ELP1: variants seen among roughly 807,000 people sequenced by gnomAD.
The protein encoded by ELP1 is elongator acetyltransferase complex subunit 1, also known as elongator complex protein 1.
ELP1 carries 131 observed loss-of-function variants against 183.2 expected under a neutral mutation model. The observed-to-expected ratio is 0.72, with a 90% confidence interval of 0.62 to 0.83. The LOEUF is 0.83. Among genes scored for constraint, ELP1 ranks in the 40% least tolerant of loss-of-function variants. The pLI is 0.00. For missense variants in ELP1, 1,550 were observed against 1,594.9 expected (o/e 0.97, Z 0.48); for synonymous variants, 555 against 569.0 (o/e 0.98, Z 0.35).
intron 5 of ELP1, among the ~76,000 whole-genome samples, chr9:108,924,517 T>C (rs1219872514): frequency 6.6e-6 from 1 of 152,134 alleles, no homozygotes; most frequent in Non-Finnish European, 1.5e-5. Context: ...CCCAGAGCAC[T>C]TTCCCATCCC....
chr9:108,915,343 A>G (rs1191974686), intron 10 of ELP1, among the ~76,000 whole-genome samples: 1 of 152,260 alleles, frequency 6.6e-6, no homozygotes, highest in Non-Finnish European at 1.5e-5. Context: ...GATGTGATTA[A>G]TATTTATAAT....
In ELP1 at chr9:108,893,945, C is replaced by G. The variant is rs765668014; in HGVS notation, c.2858G>C (p.Cys953Ser). Residue 953 changes from cysteine (C) to serine (S), a missense_variant and splice_region_variant, in exon 26 of 37, where the codon TGT (cysteine) becomes TCT (serine). By Grantham distance (112) the Cys-to-Ser change is moderately radical. Transcript: ENST00000374647. ...AACATACTAATCCCCACACTTACCACATTTGCTGAGGTGGCCAATGGCTTT... is the reference window on the plus strand; with the variant it reads ...AACATACTAATCCCCACACTTACCAGATTTGCTGAGGTGGCCAATGGCTTT... ...YEKAIGHLSKCGPEYFPECLN... is the reference protein window; with the variant it reads ...YEKAIGHLSKSGPEYFPECLN... 1.9e-6 allele frequency: 3 copies of G among 1,613,768 alleles called. No homozygotes were observed. Among genetic ancestry groups the G allele is most frequent in the Admixed American group, 3.3e-5 (2 of 59,996 alleles).
intron 6 of ELP1, among the ~76,000 whole-genome samples, chr9:108,920,789 G>A (rs1829617318): frequency 6.6e-6 from 1 of 152,052 alleles, no homozygotes; most frequent in African/African-American, 2.4e-5. Context: ...AAAGCCTTTA[G>A]AAAAAGTTCA....
intron 13 of ELP1, among the ~76,000 whole-genome samples, chr9:108,907,064 T>C (rs1284403254): frequency 6.6e-6 from 1 of 152,190 alleles, no homozygotes. Flanking sequence ...AGTTGGTCAC[T>C]AGCCTGATCT....
intron 31 of ELP1, 151 bp from the exon 32 acceptor site, chr9:108,880,316 T>A: frequency 1.5e-6 from 1 of 664,232 alleles, no homozygotes; most frequent in Non-Finnish European, 2.7e-6. Context: ...TAATAAGCAT[T>A]AACAAATTAG....
In ELP1 at chr9:108,919,279, G is replaced by C. The variant is rs559784156; in HGVS notation, c.623C>G (p.Ala208Gly). The part of the protein sequence containing the change: ...VTWRGDGQFF[A>G]VSVVCPETGA... ...TGTTTCTGGGCAAACAACACTCACAGCAAAAAACTGTCCATCCCCCCGCCA... is the reference window on the plus strand; with the variant it reads ...TGTTTCTGGGCAAACAACACTCACACCAAAAAACTGTCCATCCCCCCGCCA... Residue 208 changes from alanine to glycine, a missense_variant, in exon 7 of 37, where the codon GCT becomes GGT. By Grantham distance (60) the Ala-to-Gly change is moderately conservative. Coordinates refer to ENST00000374647, the MANE Select transcript of ELP1 (RefSeq NM_003640.5). 6.2e-7 allele frequency: 1 copy of C among 1,613,302 alleles called. No homozygotes were observed. Among genetic ancestry groups the C allele is most frequent in the Admixed American group, 1.7e-5 (1 of 59,990 alleles).
intron 14 of ELP1, 88 bp downstream of exon 14, chr9:108,906,215 A>G: frequency 1.6e-6 from 2 of 1,284,494 alleles, no homozygotes; most frequent in Non-Finnish European, 2.3e-6. Context: ...AACCTTGATC[A>G]ATAGAAGTCA....
At chr9:108,920,931 C>G (rs181534662) in intron 6 of ELP1, among the ~76,000 whole-genome samples, 27 of 152,184 alleles carry the variant, frequency 1.8e-4, no homozygotes, top group Admixed American at 1.4e-3. Flanking sequence ...AAGTCTTACT[C>G]TAGCAGGTAC....
At chr9:108,907,113 T>C (rs1364843799) in intron 13 of ELP1, among the ~76,000 whole-genome samples, 1 of 152,156 alleles carries the variant, frequency 6.6e-6, no homozygotes, top group Non-Finnish European at 1.5e-5. Flanking sequence ...AGGCTCTCCA[T>C]TGCATTCACA....
intron 36 of ELP1, among the ~76,000 whole-genome samples, chr9:108,872,197 G>A (rs988541783): frequency 2.0e-5 from 3 of 152,234 alleles, no homozygotes; most frequent in Admixed American, 2.0e-4. Flanking sequence ...AGACTCTCAT[G>A]TGCTGCTCAT....
intron 12 of ELP1, among the ~76,000 whole-genome samples, chr9:108,909,075 C>T (rs1209659334): frequency 1.3e-5 from 2 of 152,032 alleles, no homozygotes; most frequent in South Asian, 4.1e-4. Context: ...CAGATGTCTG[C>T]GTGGCTCCCA....
intron 2 of ELP1, among the ~76,000 whole-genome samples, chr9:108,930,356 T>A (rs1403774811): frequency 6.6e-6 from 1 of 152,176 alleles, no homozygotes; most frequent in Non-Finnish European, 1.5e-5. Context: ...CACTAAAGAT[T>A]CTGATTTAGT....
intron 12 of ELP1, among the ~76,000 whole-genome samples, chr9:108,909,195 C>A (rs1829121682): frequency 6.6e-6 from 1 of 152,060 alleles, no homozygotes; most frequent in African/African-American, 2.4e-5. Flanking sequence ...TCCTTAAGCT[C>A]TCCCTACCCC....
At chr9:108,930,923 G>T in intron 2 of ELP1, 74 bp downstream of exon 2, 1 of 1,441,594 alleles carries the variant, frequency 6.9e-7, no homozygotes, top group Non-Finnish European at 9.8e-7. Context: ...GAAAGACCAT[G>T]TGGGGAAAGA....
chr9:108,882,191 A>G lies in ELP1; in HGVS notation c.3223-4T>C. The G allele has an allele frequency of 6.2e-7, 1 of 1,612,398 alleles. No individual in the cohort carries two copies. The highest frequency in any genetic ancestry group is 8.5e-7 in the Non-Finnish European group (1 of 1,179,494). On this transcript the variant is annotated splice_polypyrimidine_tract_variant and splice_region_variant and intron_variant, in intron 29 of 36. Coordinates refer to ENST00000374647, the MANE Select transcript of ELP1 (RefSeq NM_003640.5). ...AGAGCACAGCTTCTTCATAATCCTGACAAGGGAACAGGAAGAAGACAACAA... is the reference window on the plus strand; with the variant it reads ...AGAGCACAGCTTCTTCATAATCCTGGCAAGGGAACAGGAAGAAGACAACAA...
At position 108,868,791 on chromosome 9, in the gene ELP1, C is replaced by T. The variant is rs1255310527; in HGVS notation, c.*324G>A. On this transcript the variant is annotated 3_prime_UTR_variant, in exon 37 of 37. Transcript: ENST00000374647. ...AAACATTGTTTTACTTGTCTTCACA[C>T]TTTGGAGGTAGAAATCATGAAACAT... 8.7e-6 allele frequency: 5 copies of T among 576,644 alleles called. No homozygotes were observed. Among genetic ancestry groups the T allele is most frequent in the Non-Finnish European group, 1.5e-5 (5 of 325,508 alleles). 35.7% of individuals were successfully genotyped at this position (576,644 alleles called of 1,614,324 possible). A position where few individuals can be genotyped will look rare whatever the true frequency, so the allele number is the denominator to read the frequency against.
At chr9:108,921,082 C>A (rs1018509602) in intron 6 of ELP1, among the ~76,000 whole-genome samples, 27 of 152,090 alleles carry the variant, frequency 1.8e-4, no homozygotes, top group Admixed American at 1.8e-3. Flanking sequence ...AAGGTTCACC[C>A]ATTTGAAGTA....
intron 1 of ELP1, among the ~76,000 whole-genome samples, chr9:108,931,990 A>G (rs797021339): frequency 7.2e-5 from 11 of 152,354 alleles, no homozygotes; most frequent in African/African-American, 2.4e-4. Context: ...TTACTGTGCT[A>G]GTTATTTATA....
intron 31 of ELP1, 139 bp downstream of exon 31, chr9:108,881,566 T>C (rs1827930234): frequency 3.1e-6 from 2 of 648,122 alleles, no homozygotes; most frequent in Non-Finnish European, 2.8e-6. Flanking sequence ...GAGAATTAAA[T>C]ATTATATCCA....
Sources: gnomAD v4.1 joint callset for allele counts (sites outside exome capture counted in the v4.1 genomes callset) on GRCh38, gnomAD v4.1.1 for gene constraint, MANE v1.5 for transcripts, NCBI Gene and HGNC (gene_info 2026-07-23, HGNC 2026-07-21) for gene names.